PIWIL2: variants seen among roughly 807,000 people sequenced by gnomAD.
The protein encoded by PIWIL2 is piwi-like protein 2.
Under a neutral mutation model 116.5 loss-of-function variants are expected in PIWIL2, and 81 were observed. The observed-to-expected ratio is 0.70, with a 90% CI of 0.58 to 0.84. The LOEUF (loss-of-function observed/expected upper bound fraction) is 0.84, where lower values mean the gene tolerates loss of function less well. Ranked by LOEUF, PIWIL2 falls within the 40% of genes least tolerant of loss-of-function variation. The probability of loss-of-function intolerance (pLI) is 0.00; values close to 1 mark genes in which losing one functional copy is unlikely to be tolerated. For missense variants in PIWIL2, 1,272 were observed against 1,212.3 expected (o/e 1.05, Z -0.73); for synonymous variants, 489 against 429.5 (o/e 1.14, Z -1.71).
At chr8:22,284,085 T>A in intron 5 of PIWIL2, 77 bp from the exon 6 acceptor site, 1 of 684,806 alleles carries the variant, frequency 1.5e-6, no homozygotes. Flanking sequence ...CTTCTTGTTG[T>A]TGGTTGTGTG....
chr8:22,290,326 T>C lies in PIWIL2; in HGVS notation c.1161T>C (p.Asn387=). The change falls in exon 10 of 23, where the codon AAT becomes AAC. Residue 387 remains asparagine, a synonymous_variant. Transcript: ENST00000356766. ...LADVSHKVIR[N]DCVLDVMHAI... is the part of the protein sequence containing the mutation. ...ATGTCTCCCATAAGGTCATTCGGAA[T>C]GACTGTGTGCTGGATGTCATGTGAG... is the stretch of plus-strand genomic sequence containing the variant. 1 of 1,606,226 alleles carries C rather than the reference T, an allele frequency of 6.2e-7. No individual in the cohort carries two copies. Among genetic ancestry groups the C allele is most frequent in the Non-Finnish European group, 8.5e-7 (1 of 1,172,988 alleles).
Position 22,275,412 on chromosome 8 carries a change from C to T in PIWIL2, c.-47+14C>T, listed in dbSNP as rs1231436875. 6.6e-6 allele frequency: 1 copy of T among 152,392 alleles called. No homozygotes were observed. Among genetic ancestry groups the T allele is most frequent in the Admixed American group, 6.5e-5 (1 of 15,290 alleles). 9.4% of individuals were successfully genotyped at this position (152,392 alleles called of 1,614,324 possible). ...ACTCGCGCACAGGTGAGTACTGGCCCCGGTTGCGGCATGCCAGGCAGGCCA... is the reference window on the plus strand; with the variant it reads ...ACTCGCGCACAGGTGAGTACTGGCCTCGGTTGCGGCATGCCAGGCAGGCCA... On this transcript the variant is annotated intron_variant, in intron 1 of 22. Transcript: ENST00000356766.
intron 11 of PIWIL2, 112 bp downstream of exon 11, chr8:22,304,321 A>G: frequency 1.5e-6 from 1 of 686,944 alleles, no homozygotes; most frequent in East Asian, 2.5e-5. Flanking sequence ...TTTCAAAATA[A>G]TTGAATTGGT....
intron 13 of PIWIL2, 136 bp from the exon 14 acceptor site, chr8:22,307,797 A>G (rs192254350): frequency 3.2e-6 from 2 of 628,362 alleles, no homozygotes; most frequent in African/African-American, 1.8e-5. Context: ...GATATATTTA[A>G]TAAGTCCTTG....
chr8:22,288,097 G>A (rs1424771729), intron 7 of PIWIL2, among the ~76,000 whole-genome samples: 1 of 152,118 alleles, frequency 6.6e-6, no homozygotes, highest in East Asian at 1.9e-4. Context: ...ACGAGATTGA[G>A]ACCATCCTGG....
Position 22,313,424 on chromosome 8 carries a change from C to A in PIWIL2, c.1990-904C>A, listed in dbSNP as rs1831379299. Among the ~76,000 whole-genome samples, 4 of 152,178 alleles carry A rather than the reference C, an allele frequency of 2.6e-5. No homozygotes were observed. The South Asian group carries it at 6.2e-4, about 24-fold the overall frequency. On this transcript the variant is annotated intron_variant, in intron 16 of 22. Transcript: ENST00000356766. ...CTGGAATTGCATATGTGTGTATCTT[C>A]CTATGTTTAAATGTTAATTTAAACA...
At chr8:22,320,419 C>A (rs1831570918) in intron 20 of PIWIL2, among the ~76,000 whole-genome samples, 1 of 151,736 alleles carries the variant, frequency 6.6e-6, no homozygotes, top group South Asian at 2.1e-4. Flanking sequence ...CTGCATGTGC[C>A]ACAAGACCCA....
At chr8:22,327,096 T>C (rs1241419237) in intron 20 of PIWIL2, among the ~76,000 whole-genome samples, 4 of 150,338 alleles carry the variant, frequency 2.7e-5, no homozygotes, top group Non-Finnish European at 4.4e-5. Flanking sequence ...GACACGATCT[T>C]GGCTTACTGC....
Position 22,304,113 on chromosome 8 carries a change from G to A in PIWIL2, c.1274G>A (p.Arg425His), listed in dbSNP as rs749111384. The A allele has an allele frequency of 2.7e-5, 44 of 1,609,832 alleles. No homozygotes were observed. The highest frequency in any genetic ancestry group is 8.0e-5 in the African/African-American group (6 of 74,812). Residue 425 changes from arginine to histidine, a missense_variant, in exon 11 of 23, where the codon CGT becomes CAT. Physicochemically the swap from Arg to His is conservative, Grantham distance 29. Transcript: ENST00000356766. Reference sequence around the variant, plus strand: ...ATTGTTATCACCCGATATAACAATCGTACCTATCGTATTGATGATGTGGAT... The same window carrying A: ...ATTGTTATCACCCGATATAACAATCATACCTATCGTATTGATGATGTGGAT... ...GNIVITRYNN[R>H]TYRIDDVDWN...
chr8:22,307,473 A>ATTTTTTTTTTTTTTTTT (rs56755716), intron 13 of PIWIL2, among the ~76,000 whole-genome samples: 1 of 111,258 alleles, frequency 9.0e-6, no homozygotes, highest in Non-Finnish European at 1.7e-5. Flanking sequence ...TTTATTATTC[A>ATTTTTTTTTTTTTTTTT]TTTTTTTTTT....
At chr8:22,304,892 A>G in intron 12 of PIWIL2, 24 bp downstream of exon 12, 1 of 1,477,728 alleles carries the variant, frequency 6.8e-7, no homozygotes, top group South Asian at 1.1e-5. Context: ...TCAGGCTTAC[A>G]ATTCCAGCTT....
intron 10 of PIWIL2, among the ~76,000 whole-genome samples, chr8:22,295,427 A>G (rs1389948258): frequency 6.6e-6 from 1 of 152,048 alleles, no homozygotes; most frequent in Non-Finnish European, 1.5e-5. Context: ...TTCACTATAC[A>G]TTGAAAACAC....
At chr8:22,302,680 C>G (rs1284360444) in intron 10 of PIWIL2, among the ~76,000 whole-genome samples, 3 of 152,094 alleles carry the variant, frequency 2.0e-5, no homozygotes, top group Non-Finnish European at 4.4e-5. Context: ...TACTCAAACC[C>G]CATGACTCCA....
Position 22,328,917 on chromosome 8 carries a change from C to T in PIWIL2, c.2403+10642C>T, listed in dbSNP as rs552482868. Among the ~76,000 whole-genome samples the T allele has an allele frequency of 9.3e-5, 12 of 129,198 alleles. No homozygotes were observed. The South Asian group carries it at 3.2e-3, about 34-fold the overall frequency. The allele number at this position is 129,198 out of a possible 152,430, so 84.8% of individuals were successfully genotyped here. A position where few individuals can be genotyped will look rare whatever the true frequency, so the allele number is the denominator to read the frequency against. On this transcript the variant is annotated intron_variant, in intron 20 of 22. Transcript: ENST00000356766. ...GTCTTCTTTCTTTTCAGTTTGAATTCTTTTTATTTCCTTTTCTTTCTTAAT... is the reference window on the plus strand; with the variant it reads ...GTCTTCTTTCTTTTCAGTTTGAATTTTTTTTATTTCCTTTTCTTTCTTAAT...
chr8:22,315,233 T>G (rs758429464), intron 18 of PIWIL2, 88 bp downstream of exon 18: 61 of 754,990 alleles, frequency 8.1e-5, no homozygotes, highest in Middle Eastern at 3.6e-4. Context: ...ATGCTTCCTC[T>G]TCTCAACACT....
At chr8:22,312,328 G>A (rs890369105) in intron 16 of PIWIL2, among the ~76,000 whole-genome samples, 5 of 151,580 alleles carry the variant, frequency 3.3e-5, no homozygotes, top group Non-Finnish European at 5.9e-5. Flanking sequence ...ACACTGGTGC[G>A]ATCTTAGCTC....
At chr8:22,328,644 C>T (rs184854475) in intron 20 of PIWIL2, among the ~76,000 whole-genome samples, 24 of 151,962 alleles carry the variant, frequency 1.6e-4, no homozygotes, top group African/African-American at 5.8e-4. Context: ...TAAGTCTTTA[C>T]CTGTTTGGTT....
intron 2 of PIWIL2, 70 bp from the exon 3 acceptor site, chr8:22,281,050 A>G: frequency 2.3e-6 from 2 of 851,068 alleles, no homozygotes; most frequent in Non-Finnish European, 3.8e-6. Context: ...TTATATACCA[A>G]GACTAAGAAA....
chr8:22,350,957 G>A (rs188301099), intron 20 of PIWIL2, among the ~76,000 whole-genome samples: 6 of 152,128 alleles, frequency 3.9e-5, no homozygotes, highest in Admixed American at 2.0e-4. Context: ...CCTGCCCTAC[G>A]TGGCAAAACC....
Sources: allele counts gnomAD v4.1 joint callset (sites outside exome capture counted in the v4.1 genomes callset), GRCh38; gene constraint gnomAD v4.1.1; transcripts MANE v1.5; gene names NCBI Gene and HGNC (gene_info 2026-07-23, HGNC 2026-07-21).